The following ASAP1 variants were observed in gnomAD, a reference collection of about 807,000 sequenced individuals.
The protein encoded by ASAP1 is arf-GAP with SH3 domain, ANK repeat and PH domain-containing protein 1.
ASAP1 carries 43 observed loss-of-function variants against 145.2 expected under a neutral mutation model. That is an observed-to-expected ratio of 0.30 (90% confidence interval 0.23 to 0.38). The LOEUF (loss-of-function observed/expected upper bound fraction) is 0.38. Ranked by LOEUF, ASAP1 falls within the 10% of genes least tolerant of loss-of-function variation. ASAP1 has a pLI of 1.00. For synonymous variants in ASAP1, 546 were observed against 515.5 expected (o/e 1.06, Z -0.80); for missense variants, 1,018 against 1,355.3 (o/e 0.75, Z 3.91).
At chr8:130,317,508 T>C (rs1274612783) in intron 3 of ASAP1, among the ~76,000 whole-genome samples, 2 of 152,204 alleles carry the variant, frequency 1.3e-5, no homozygotes, top group Non-Finnish European at 2.9e-5. Flanking sequence ...GGGCTGGACC[T>C]GTCTGTGAAT....
chr8:130,177,866 T>A (rs931520703), intron 9 of ASAP1, among the ~76,000 whole-genome samples: 13 of 152,208 alleles, frequency 8.5e-5, no homozygotes, highest in African/African-American at 3.1e-4. Context: ...GGCTAAGCAC[T>A]CCACATGCAT....
At chr8:130,300,052 G>A (rs1565185657) in intron 3 of ASAP1, among the ~76,000 whole-genome samples, 1 of 141,244 alleles carries the variant, frequency 7.1e-6, no homozygotes, top group Non-Finnish European at 1.5e-5. Flanking sequence ...AACAAAAGAC[G>A]AAAAACAAAC....
chr8:130,172,278 T>C (rs779011283), intron 9 of ASAP1, among the ~76,000 whole-genome samples: 6 of 152,166 alleles, frequency 3.9e-5, no homozygotes, highest in Non-Finnish European at 7.4e-5. Context: ...AGGTATTTCA[T>C]TTTCACTTTT....
In ASAP1 at chr8:130,216,017, A is replaced by AGG. The variant is rs1315607963; in HGVS notation, c.260-1317_260-1316insCC. ...AAGGAAAGGAAAGGAAAGGAAAGGA[A>AGG]AAAGGAAAGGAAAGGAAAAAGGAAA... On this transcript the variant is annotated intron_variant, in intron 4 of 29. Transcript: ENST00000518721. 6.7e-5 allele frequency among the ~76,000 whole-genome samples: 9 copies of AGG among 134,590 alleles called. No individual in the cohort carries two copies. In the East Asian group the frequency reaches 1.3e-3, roughly 20 times the overall value. 88.3% of individuals were successfully genotyped at this position (134,590 alleles called of 152,430 possible).
intron 3 of ASAP1, among the ~76,000 whole-genome samples, chr8:130,339,914 C>T (rs1435346975): frequency 6.6e-6 from 1 of 152,174 alleles, no homozygotes; most frequent in Non-Finnish European, 1.5e-5. Context: ...GTCCTACAGA[C>T]AGTACTTCTT....
Position 130,060,697 on chromosome 8 carries a change from T to G in ASAP1, c.3074A>C (p.Asp1025Ala). The change falls in exon 28 of 30, where the codon GAT becomes GCT. Residue 1025 changes from aspartate (D) to alanine (A), a missense_variant. Asp to Ala is a moderately radical substitution (Grantham distance 126). Coordinates refer to ENST00000518721, the MANE Select transcript of ASAP1 (RefSeq NM_018482.4). Reference sequence around the variant, plus strand: ...TCTGGACTGCACATTTGGGGATAGATCCAATGGGTGTGACTTCAGTGTGAC... The same window carrying G: ...TCTGGACTGCACATTTGGGGATAGAGCCAATGGGTGTGACTTCAGTGTGAC... Reference protein sequence around the residue: ...SEVTLKSHPLDLSPNVQSRDA... With the variant: ...SEVTLKSHPLALSPNVQSRDA... 1 of 1,614,154 alleles carries G rather than the reference T, an allele frequency of 6.2e-7. No homozygotes were observed. Among genetic ancestry groups the G allele is most frequent in the African/African-American group, 1.3e-5 (1 of 75,030 alleles).
Position 130,178,666 on chromosome 8 carries a change from G to A in ASAP1, c.746+598C>T, listed in dbSNP as rs1362728133. Among the ~76,000 whole-genome samples, 9 of 152,078 alleles carry A rather than the reference G, an allele frequency of 5.9e-5. No individual in the cohort carries two copies. The South Asian group carries it at 6.2e-4, about 11-fold the overall frequency. The stretch of plus-strand genomic sequence containing the variant: ...TAATAGGCCAAGGCCAAGGTGGATC[G>A]CGAGGTCAGGAGATCAAGGCCATCC... On this transcript the variant is annotated intron_variant, in intron 9 of 29. Coordinates refer to ENST00000518721, the MANE Select transcript of ASAP1 (RefSeq NM_018482.4).
chr8:130,164,239 G>C (rs577484357), intron 11 of ASAP1, among the ~76,000 whole-genome samples: 134 of 152,290 alleles, frequency 8.8e-4, no homozygotes, highest in African/African-American at 3.2e-3. Flanking sequence ...AACAAAACAG[G>C]TGTAATTTTT....
chr8:130,229,103 C>G (rs539645510), intron 4 of ASAP1, among the ~76,000 whole-genome samples: 2 of 152,316 alleles, frequency 1.3e-5, no homozygotes, highest in Admixed American at 1.3e-4. Flanking sequence ...TCTTATGGCA[C>G]TGATTATCAA....
At chr8:130,312,642 T>C (rs999819646) in intron 3 of ASAP1, among the ~76,000 whole-genome samples, 3 of 152,180 alleles carry the variant, frequency 2.0e-5, no homozygotes, top group South Asian at 2.1e-4. Flanking sequence ...TTTCTATTTA[T>C]AGGTAAGGAA....
At chr8:130,323,504 CCT>C (rs1233624338) in intron 3 of ASAP1, among the ~76,000 whole-genome samples, 5 of 152,256 alleles carry the variant, frequency 3.3e-5, no homozygotes, top group Middle Eastern at 3.4e-3. Context: ...CTGCCAGTCC[CCT>C]GTCATGTTGG....
At chr8:130,219,169 C>A (rs1378247983) in intron 4 of ASAP1, among the ~76,000 whole-genome samples, 1 of 138,528 alleles carries the variant, frequency 7.2e-6, no homozygotes, top group Non-Finnish European at 1.6e-5. Context: ...TAATATCAAA[C>A]AGAATAAAAA....
intron 3 of ASAP1, among the ~76,000 whole-genome samples, chr8:130,336,677 G>A (rs1825056251): frequency 6.6e-6 from 1 of 152,204 alleles, no homozygotes; most frequent in Non-Finnish European, 1.5e-5. Context: ...TCTGAGAGGA[G>A]CATGGTAAAG....
At chr8:130,185,729 C>CAAAAAAAAAAA (rs778486303) in intron 7 of ASAP1, among the ~76,000 whole-genome samples, 3 of 57,112 alleles carry the variant, frequency 5.3e-5, no homozygotes, top group Admixed American at 2.1e-4. Context: ...AACTCCGCCT[C>CAAAAAAAAAAA]AAAAAAAAAA....
chr8:130,091,963 G>T lies in ASAP1; in HGVS notation c.2572+10C>A. On this transcript the variant is annotated intron_variant, in intron 25 of 29. Coordinates refer to ENST00000518721, the MANE Select transcript of ASAP1 (RefSeq NM_018482.4). Reference sequence around the variant, plus strand: ...CCAGCAGCTTTGGCCCTGACTTTAGGATAACTTACCCCAAGGAACTGCGCC... The same window carrying T: ...CCAGCAGCTTTGGCCCTGACTTTAGTATAACTTACCCCAAGGAACTGCGCC... 6.5e-7 allele frequency: 1 copy of T among 1,528,482 alleles called. No homozygotes were observed. The highest frequency in any genetic ancestry group is 2.3e-5 in the Admixed American group (1 of 43,872). The allele number at this position is 1,528,482 out of a possible 1,614,324, so 94.7% of individuals were successfully genotyped here. A position where few individuals can be genotyped will look rare whatever the true frequency, so the allele number is the denominator to read the frequency against.
intron 3 of ASAP1, among the ~76,000 whole-genome samples, chr8:130,240,314 A>G (rs566465685): frequency 2.4e-4 from 37 of 151,946 alleles, no homozygotes; most frequent in African/African-American, 8.7e-4. Flanking sequence ...CTTTTTTTTT[A>G]AGCTTGAGTG....
At chr8:130,228,512 GA>G (rs1817716121) in intron 4 of ASAP1, among the ~76,000 whole-genome samples, 1 of 151,858 alleles carries the variant, frequency 6.6e-6, no homozygotes, top group East Asian at 1.9e-4. Flanking sequence ...ACCAGCCTGG[GA>G]AACACGGCAA....
At chr8:130,368,664 T>A (rs1278886869) in intron 2 of ASAP1, among the ~76,000 whole-genome samples, 1 of 152,246 alleles carries the variant, frequency 6.6e-6, no homozygotes, top group African/African-American at 2.4e-5. Flanking sequence ...TACAGAGGAA[T>A]ATGCCTTTTC....
intron 4 of ASAP1, among the ~76,000 whole-genome samples, chr8:130,223,680 T>A (rs1402622614): frequency 3.3e-5 from 5 of 152,002 alleles, no homozygotes; most frequent in African/African-American, 1.2e-4. Context: ...ATGAAGTGCC[T>A]CATCTAGTAT....
Sources: gnomAD v4.1 joint callset for allele counts (sites outside exome capture counted in the v4.1 genomes callset) on GRCh38, gnomAD v4.1.1 for gene constraint, MANE v1.5 for transcripts, NCBI Gene and HGNC (gene_info 2026-07-23, HGNC 2026-07-21) for gene names.